VRK3: variants seen among roughly 807,000 people sequenced by gnomAD.
The protein encoded by VRK3 is serine/threonine-protein kinase VRK3.
A neutral mutation model predicts 60.4 loss-of-function variants in VRK3; 50 were observed. That is an observed-to-expected ratio of 0.83 (90% CI 0.66 to 1.05). The LOEUF is 1.05. Ranked by LOEUF, VRK3 falls within the 50% of genes least tolerant of loss-of-function variation. The pLI, the probability that VRK3 is intolerant of heterozygous loss-of-function variation, is 0.00. For missense variants in VRK3, 549 were observed against 585.3 expected, an observed-to-expected ratio of 0.94 and a Z score of 0.64; for synonymous variants, 246 against 227.8, an observed-to-expected ratio of 1.08 and a Z score of -0.72.
intron 14 of VRK3, among the ~76,000 whole-genome samples, chr19:49,977,699 G>A (rs1046991297): frequency 6.6e-6 from 1 of 152,188 alleles, no homozygotes; most frequent in Non-Finnish European, 1.5e-5. Flanking sequence ...GGGGGAGCAA[G>A]GGTGTTGGGG....
intron 3 of VRK3, among the ~76,000 whole-genome samples, chr19:50,010,740 C>T (rs2076981569): frequency 6.6e-6 from 1 of 152,242 alleles, no homozygotes; most frequent in East Asian, 1.9e-4. Flanking sequence ...TGGTGAAACC[C>T]CGTCCCTACT....
intron 10 of VRK3, 95 bp downstream of exon 10, chr19:49,992,765 G>T: frequency 8.8e-7 from 1 of 1,136,258 alleles, no homozygotes; most frequent in Non-Finnish European, 1.3e-6. Context: ...GCAATCCTTT[G>T]TCTGTAATAA....
intron 10 of VRK3, among the ~76,000 whole-genome samples, chr19:49,992,577 T>C (rs2076629419): frequency 6.6e-6 from 1 of 152,224 alleles, no homozygotes; most frequent in Non-Finnish European, 1.5e-5. Context: ...AGGGTGAAAA[T>C]AGTATCTTGT....
At chr19:50,017,189 C>G (rs2077092490) in intron 2 of VRK3, among the ~76,000 whole-genome samples, 1 of 151,552 alleles carries the variant, frequency 6.6e-6, no homozygotes, top group Admixed American at 6.6e-5. Context: ...AGTGAAAACT[C>G]TGTCTCAAAC....
intron 12 of VRK3, among the ~76,000 whole-genome samples, chr19:49,985,011 C>T (rs1169194562): frequency 6.6e-6 from 1 of 152,140 alleles, no homozygotes; most frequent in African/African-American, 2.4e-5. Context: ...ATTGAGGCCC[C>T]CCTACTGCCC....
At chr19:49,978,872 T>C (rs1374021278) in intron 14 of VRK3, 4 of 461,542 alleles carry the variant, frequency 8.7e-6, no homozygotes, top group Non-Finnish European at 1.5e-5. Flanking sequence ...TCCCCACTTT[T>C]CTTAAAGCCA....
At chr19:50,013,850 G>GACAAGTACC (rs1391406903) in intron 3 of VRK3, among the ~76,000 whole-genome samples, 1 of 152,200 alleles carries the variant, frequency 6.6e-6, no homozygotes, top group Admixed American at 6.5e-5. Context: ...ATAGGGTTGA[G>GACAAGTACC]ACAAGTACCA....
At position 50,000,833 on chromosome 19, in the gene VRK3, G is replaced by A. The variant is rs1421005418; in HGVS notation, c.569C>T (p.Thr190Ile). The A allele has an allele frequency of 6.2e-7, 1 of 1,614,002 alleles. No homozygotes were observed. The highest frequency in any genetic ancestry group is 2.2e-5 in the East Asian group (1 of 44,872). ...TTGCTTCTGTGGTCCTGAGTCACAG[G>A]TGAGGGTGGAGGTGGGTGCAGCTGT... ...LYEAAPTSTL[T>I]CDSGPQKQKF... Residue 190 changes from threonine to isoleucine, a missense_variant, in exon 6 of 15, where the codon ACC (threonine) becomes ATC (isoleucine). By Grantham distance (89) the Thr-to-Ile change is moderately conservative (BLOSUM62 -1). Coordinates refer to ENST00000316763, the MANE Select transcript of VRK3 (RefSeq NM_016440.4).
chr19:49,981,377 C>T (rs1025798419), intron 12 of VRK3, among the ~76,000 whole-genome samples: 2 of 152,074 alleles, frequency 1.3e-5, no homozygotes, highest in African/African-American at 4.8e-5. Context: ...GAAACTGTCC[C>T]TACTAAAAAT....
intron 10 of VRK3, among the ~76,000 whole-genome samples, chr19:49,991,128 C>T (rs1297085670): frequency 1.3e-5 from 2 of 152,118 alleles, no homozygotes; most frequent in African/African-American, 4.8e-5. Context: ...TTGACTGGGC[C>T]ATGGGGTGCC....
At chr19:49,993,800 G>A (rs938588251) in intron 9 of VRK3, among the ~76,000 whole-genome samples, 17 of 151,944 alleles carry the variant, frequency 1.1e-4, no homozygotes, top group Non-Finnish European at 1.8e-4. Context: ...AATTCTGCTC[G>A]TTCTCCTCCT....
At chr19:49,979,754 A>C (rs1274485660) in intron 13 of VRK3, among the ~76,000 whole-genome samples, 1 of 152,164 alleles carries the variant, frequency 6.6e-6, no homozygotes, top group East Asian at 1.9e-4. Context: ...AGGGATTTAA[A>C]GTAATTCAGC....
Position 50,009,439 on chromosome 19 carries a change from C to A in VRK3, c.140-54G>T, listed in dbSNP as rs1443803410. 5 of 1,596,180 alleles carry A rather than the reference C, an allele frequency of 3.1e-6. No individual in the cohort carries two copies. The East Asian group carries it at 8.9e-5, about 29-fold the overall frequency. On this transcript the variant is annotated intron_variant, in intron 3 of 14. Transcript: ENST00000316763. ...GGAGTTACAAAGGCCCCTCTGCAGG[C>A]ACCATTGGACTGGGAGCCCTGAGGT...
intron 5 of VRK3, among the ~76,000 whole-genome samples, chr19:50,004,087 A>G (rs572138464): frequency 1.3e-5 from 2 of 152,338 alleles, no homozygotes; most frequent in South Asian, 4.1e-4. Context: ...TGACTCACAC[A>G]GGCTGGGCAC....
At chr19:50,001,286 A>G (rs73935128) in intron 5 of VRK3, 8,033 of 168,766 alleles carry the variant, frequency 0.048, 694 homozygotes, top group African/African-American at 0.18. Flanking sequence ...AACAGCCCCG[A>G]GCACTGAGCC....
chr19:50,007,458 A>G, intron 5 of VRK3, 111 bp downstream of exon 5: 1 of 1,508,768 alleles, frequency 6.6e-7, no homozygotes, highest in Non-Finnish European at 9.0e-7. Context: ...GCCTAGCGAC[A>G]GGTCTGCAGC....
intron 9 of VRK3, among the ~76,000 whole-genome samples, chr19:49,993,467 C>A (rs2076646906): frequency 6.6e-6 from 1 of 152,102 alleles, no homozygotes; most frequent in Non-Finnish European, 1.5e-5. Context: ...GGTACAATCA[C>A]TGCTCACTGT....
intron 10 of VRK3, among the ~76,000 whole-genome samples, chr19:49,992,128 C>A (rs562962250): frequency 9.2e-5 from 14 of 152,120 alleles, no homozygotes; most frequent in African/African-American, 3.4e-4. Flanking sequence ...TGCATTTTGG[C>A]CGGGCACGGT....
At position 50,005,238 on chromosome 19, in the gene VRK3, G is replaced by A. The variant is rs557447932; in HGVS notation, c.547+2331C>T. Among the ~76,000 whole-genome samples the A allele has an allele frequency of 1.3e-4, 20 of 149,192 alleles. No homozygotes were observed. The East Asian group carries it at 3.1e-3, about 23-fold the overall frequency. ...TTTGCTGGGGCTCCCTCAGTGTGTC[G>A]GAGCCAAGTCAGGACTCAGATTCGG... On this transcript the variant is annotated intron_variant, in intron 5 of 14. Coordinates refer to ENST00000316763, the MANE Select transcript of VRK3 (RefSeq NM_016440.4).
Sources: allele counts gnomAD v4.1 joint callset (sites outside exome capture counted in the v4.1 genomes callset), GRCh38; gene constraint gnomAD v4.1.1; transcripts MANE v1.5; gene names NCBI Gene and HGNC (gene_info 2026-07-23, HGNC 2026-07-21).